HTR2A: variants seen among roughly 807,000 people sequenced by gnomAD.
HTR2A encodes 5-hydroxytryptamine receptor 2A, also known as 5-HT2 receptor.
Under a neutral mutation model 31.0 loss-of-function variants are expected in HTR2A, and 14 were observed. The ratio of observed to expected loss-of-function variants is 0.45; its 90% CI spans 0.30 to 0.71. HTR2A has a LOEUF of 0.71. Ranked by LOEUF, HTR2A falls within the 30% of genes least tolerant of loss-of-function variation. The pLI is 0.09. For synonymous variants in HTR2A, 209 were observed against 225.2 expected (o/e 0.93, Z 0.64); for missense variants, 442 against 573.3 (o/e 0.77, Z 2.34).
chr13:46,870,573 A>G (rs1950856442), intron 3 of HTR2A, among the ~76,000 whole-genome samples: 1 of 152,184 alleles, frequency 6.6e-6, no homozygotes, highest in Non-Finnish European at 1.5e-5. Flanking sequence ...TTTATTGTTA[A>G]TTCAGGTTTT....
At position 46,897,044 on chromosome 13, in the gene HTR2A, G is replaced by T; in HGVS notation, c.-699C>A. On this transcript the variant is annotated 5_prime_UTR_variant, in exon 1 of 4. Transcript: ENST00000542664. The stretch of plus-strand genomic sequence containing the variant: ...GACTCCTGGTTTCCACGGGAATGGA[G>T]TAGCTCTCTGACTGTCTCGTTCATT... 1 of 550,120 alleles carries T rather than the reference G, an allele frequency of 1.8e-6. No homozygotes were observed. Among genetic ancestry groups the T allele is most frequent in the Non-Finnish European group, 3.2e-6 (1 of 314,892 alleles). The allele number at this position is 550,120 out of a possible 1,614,324, so 34.1% of individuals were successfully genotyped here.
chr13:46,864,480 G>C (rs1234467290), intron 3 of HTR2A, among the ~76,000 whole-genome samples: 1 of 152,018 alleles, frequency 6.6e-6, no homozygotes, highest in Non-Finnish European at 1.5e-5. Flanking sequence ...GCCCTCGCAG[G>C]TCTTACAAGC....
rs73475762 is a variant in HTR2A at position 46,881,301 on chromosome 13, C to T, written c.613+11089G>A. Among the ~76,000 whole-genome samples the T allele has an allele frequency of 8.1e-3, 1,236 of 152,212 alleles. 15 individuals are homozygous for T. Among genetic ancestry groups the T allele is most frequent in the African/African-American group, 0.029 (1,188 of 41,540 alleles). On this transcript the variant is annotated intron_variant, in intron 3 of 3. Coordinates refer to ENST00000542664, the MANE Select transcript of HTR2A (RefSeq NM_000621.5). ...TCCTTTGTTTCAGGGTAGTGACAAGCATAGATGGCCACTTGACACTTGACA... is the reference window on the plus strand; with the variant it reads ...TCCTTTGTTTCAGGGTAGTGACAAGTATAGATGGCCACTTGACACTTGACA...
At chr13:46,866,046 A>G (rs923510941) in intron 3 of HTR2A, among the ~76,000 whole-genome samples, 1 of 152,178 alleles carries the variant, frequency 6.6e-6, no homozygotes, top group Non-Finnish European at 1.5e-5. Flanking sequence ...TACTATCTTT[A>G]TCTTGCTCAC....
chr13:46,856,313 T>C (rs1420297606), intron 3 of HTR2A: 4 of 152,244 alleles, frequency 2.6e-5, no homozygotes, highest in Non-Finnish European at 5.9e-5. Flanking sequence ...TTTATCTTTT[T>C]AATGACACTT....
chr13:46,871,148 G>A (rs182935296), intron 3 of HTR2A, among the ~76,000 whole-genome samples: 3 of 152,276 alleles, frequency 2.0e-5, no homozygotes, highest in Non-Finnish European at 2.9e-5. Context: ...CTAGCTTATT[G>A]CTGTTTACTT....
At position 46,895,833 on chromosome 13, in the gene HTR2A, G is replaced by A. The variant is rs1805055; in HGVS notation, c.74C>T (p.Thr25Ile). The change falls in exon 2 of 4, where the codon ACC becomes ATC. Residue 25 changes from threonine to isoleucine, a missense_variant. Thr to Ile is a moderately conservative substitution (Grantham distance 89, BLOSUM62 -1). Coordinates refer to ENST00000542664, the MANE Select transcript of HTR2A (RefSeq NM_000621.5). The surrounding 1 kb of genome is among the most constrained non-coding windows in gnomAD (Gnocchi z 4.4). Reference sequence around the variant, plus strand: ...GTTAAAGTCATTACTGTAGAGCCTGGTGTCATCATTTAATTGCATTAGGGA... The same window carrying A: ...GTTAAAGTCATTACTGTAGAGCCTGATGTCATCATTTAATTGCATTAGGGA... ...TNSLMQLNDD[T>I]RLYSNDFNSG... 6.2e-7 allele frequency: 1 copy of A among 1,614,090 alleles called. No individual in the cohort carries two copies. Among genetic ancestry groups the A allele is most frequent in the Non-Finnish European group, 8.5e-7 (1 of 1,179,988 alleles).
chr13:46,848,771 A>G (rs1950661736), intron 3 of HTR2A, among the ~76,000 whole-genome samples: 1 of 152,196 alleles, frequency 6.6e-6, no homozygotes, highest in Admixed American at 6.5e-5. Context: ...TCTTTTCATG[A>G]CATCAGAAGA....
At chr13:46,889,995 A>G (rs897990320) in intron 3 of HTR2A, among the ~76,000 whole-genome samples, 4 of 152,148 alleles carry the variant, frequency 2.6e-5, no homozygotes, top group African/African-American at 9.7e-5. Context: ...CTTTGAATGC[A>G]TATCTTTTTC....
At chr13:46,888,017 C>T (rs766793093) in intron 3 of HTR2A, among the ~76,000 whole-genome samples, 4 of 151,408 alleles carry the variant, frequency 2.6e-5, no homozygotes, top group Non-Finnish European at 4.4e-5. Context: ...CCATGGCACA[C>T]GTTTACCCAT....
At chr13:46,876,886 G>T (rs1353931520) in intron 3 of HTR2A, among the ~76,000 whole-genome samples, 2 of 152,114 alleles carry the variant, frequency 1.3e-5, no homozygotes, top group Non-Finnish European at 2.9e-5. Flanking sequence ...CAGCTGAGAA[G>T]ATTCTCTTAT....
At chr13:46,874,860 A>G (rs1009904058) in intron 3 of HTR2A, among the ~76,000 whole-genome samples, 2 of 152,264 alleles carry the variant, frequency 1.3e-5, no homozygotes, top group East Asian at 3.8e-4. Context: ...TGGGGAATTC[A>G]GAAGCCTGTG....
At chr13:46,897,664 G>A (rs555936605), upstream of HTR2A, among the ~76,000 whole-genome samples, 142 of 152,256 alleles carry the variant, frequency 9.3e-4, 2 homozygotes, top group Non-Finnish European at 1.7e-3. Flanking sequence ...GAGGCAGTTC[G>A]ATCTCTCTCT....
In HTR2A at chr13:46,834,758, C is replaced by A. The variant is rs370237853; in HGVS notation, c.*79G>T. ...TCCACTAGACTTGTCTAATTTTTTC[C>A]AATCTCATATTTTTTTTTTTCCAGA... On this transcript the variant is annotated 3_prime_UTR_variant, in exon 4 of 4. Coordinates refer to ENST00000542664, the MANE Select transcript of HTR2A (RefSeq NM_000621.5). 7.6e-6 allele frequency: 9 copies of A among 1,176,514 alleles called. No homozygotes were observed. The highest frequency in any genetic ancestry group is 6.6e-5 in the African/African-American group (4 of 60,424). The allele number at this position is 1,176,514 out of a possible 1,614,324, so 72.9% of individuals were successfully genotyped here.
intron 3 of HTR2A, among the ~76,000 whole-genome samples, chr13:46,842,392 A>C (rs1235856093): frequency 6.6e-6 from 1 of 152,204 alleles, no homozygotes; most frequent in Non-Finnish European, 1.5e-5. Flanking sequence ...GAAAGCTTGG[A>C]GAATGAGTCT....
At chr13:46,890,944 G>C (rs1951047686) in intron 3 of HTR2A, among the ~76,000 whole-genome samples, 1 of 152,100 alleles carries the variant, frequency 6.6e-6, no homozygotes, top group Non-Finnish European at 1.5e-5. Context: ...GGATTGAGTG[G>C]TTACTGGCCC....
chr13:46,837,990 T>C (rs1416171085), intron 3 of HTR2A, among the ~76,000 whole-genome samples: 1 of 152,216 alleles, frequency 6.6e-6, no homozygotes, highest in Non-Finnish European at 1.5e-5. Context: ...TCCTGGCCCA[T>C]TGTTTGCAAC....
intron 3 of HTR2A, among the ~76,000 whole-genome samples, chr13:46,871,605 A>G (rs1226338885): frequency 6.6e-6 from 1 of 152,206 alleles, no homozygotes; most frequent in Non-Finnish European, 1.5e-5. Context: ...AACCAACCCA[A>G]TTTCAAATAA....
At chr13:46,839,967 C>A (rs1440983261) in intron 3 of HTR2A, among the ~76,000 whole-genome samples, 4 of 152,040 alleles carry the variant, frequency 2.6e-5, no homozygotes, top group Non-Finnish European at 5.9e-5. Context: ...AAGAAGATTG[C>A]CTTCCTAGAT....
Sources: gnomAD v4.1 joint callset for allele counts (sites outside exome capture counted in the v4.1 genomes callset) on GRCh38, gnomAD v4.1.1 for gene constraint, Gnocchi (gnomAD v3.1) non-coding constraint, MANE v1.5 for transcripts, NCBI Gene and HGNC (gene_info 2026-07-23, HGNC 2026-07-21) for gene names.